The following GTF2F2 variants were observed in gnomAD, a reference collection of about 807,000 sequenced individuals.
GTF2F2 encodes general transcription factor IIF subunit 2.
Under a neutral mutation model 42.2 loss-of-function variants are expected in GTF2F2, and 23 were observed. The ratio of observed to expected loss-of-function variants is 0.55; its 90% CI spans 0.39 to 0.77. The LOEUF (loss-of-function observed/expected upper bound fraction) is 0.77, where lower values mean the gene tolerates loss of function less well. GTF2F2 is among the 30% of genes least tolerant of loss of function. The pLI is 0.00. For synonymous variants in GTF2F2, 105 were observed against 100.8 expected (o/e 1.04, Z -0.25); for missense variants, 261 against 287.2 (o/e 0.91, Z 0.66).
intron 5 of GTF2F2, among the ~76,000 whole-genome samples, chr13:45,238,877 A>T (rs1593510741): frequency 6.6e-6 from 1 of 151,638 alleles, no homozygotes; most frequent in South Asian, 2.1e-4. Context: ...CTGGGAGGCA[A>T]AGGTTGCGGT....
At chr13:45,270,589 C>G (rs2138267983) in intron 7 of GTF2F2, among the ~76,000 whole-genome samples, 1 of 152,238 alleles carries the variant, frequency 6.6e-6, no homozygotes, top group Admixed American at 6.5e-5. Context: ...CTAGTCACCT[C>G]TCAAAGGCCC....
At chr13:45,228,669 C>CTTTTTTT (rs57570023) in intron 5 of GTF2F2, among the ~76,000 whole-genome samples, 3,324 of 108,020 alleles carry the variant, frequency 0.031, 470 homozygotes, top group African/African-American at 0.13. Flanking sequence ...CAGAGTTAAT[C>CTTTTTTT]TTTTTTTTTT....
intron 4 of GTF2F2, among the ~76,000 whole-genome samples, chr13:45,197,517 A>AG (rs1872963954): frequency 6.6e-6 from 1 of 151,138 alleles, no homozygotes; most frequent in Admixed American, 6.6e-5. Flanking sequence ...TCCAAAAAAA[A>AG]AAAAAAAAAG....
At position 45,151,686 on chromosome 13, in the gene GTF2F2, G is replaced by A. The variant is rs1298489252; in HGVS notation, c.160-1G>A. The A allele has an allele frequency of 6.3e-7, 1 of 1,592,462 alleles. No individual in the cohort carries two copies. The highest frequency in any genetic ancestry group is 1.7e-5 in the Admixed American group (1 of 59,622). Reference sequence around the variant, plus strand: ...TAATCTCTGGTTAATGTGTCTATTAGGTGTCATTTACTTTGAATGAGGATC... The same window carrying A: ...TAATCTCTGGTTAATGTGTCTATTAAGTGTCATTTACTTTGAATGAGGATC... On this transcript the variant is annotated splice_acceptor_variant, in intron 3 of 7. Coordinates refer to ENST00000340473, the MANE Select transcript of GTF2F2 (RefSeq NM_004128.3). LOFTEE classifies it high-confidence loss of function.
chr13:45,179,144 G>C (rs1872027195), intron 4 of GTF2F2, among the ~76,000 whole-genome samples: 2 of 152,194 alleles, frequency 1.3e-5, no homozygotes, highest in Non-Finnish European at 2.9e-5. Flanking sequence ...CAAGTCACAG[G>C]ACCTGCTCAG....
At chr13:45,152,203 C>T (rs953771192) in intron 4 of GTF2F2, among the ~76,000 whole-genome samples, 15 of 152,222 alleles carry the variant, frequency 9.9e-5, no homozygotes, top group Non-Finnish European at 1.8e-4. Context: ...GCGTGAGCCA[C>T]CGCACCCAGC....
Position 45,136,734 on chromosome 13 carries a change from T to C in GTF2F2, c.68T>C (p.Val23Ala). ...TATTAGTGTTTTACTTTGTTTTAGG[T>C]TCCTAAATATTTGTCACAGCAATGG... is the stretch of plus-strand genomic sequence containing the variant. ...KQNTGVWLVK[V>A]PKYLSQQWAK... is the part of the protein sequence containing the mutation. The change falls in exon 2 of 8, where the codon GTT becomes GCT. Residue 23 changes from valine (V) to alanine (A), a missense_variant and splice_region_variant. Val to Ala is a moderately conservative substitution (Grantham distance 64). Coordinates refer to ENST00000340473, the MANE Select transcript of GTF2F2 (RefSeq NM_004128.3). 2.6e-6 allele frequency: 4 copies of C among 1,557,808 alleles called. No individual in the cohort carries two copies. Among genetic ancestry groups the C allele is most frequent in the Non-Finnish European group, 3.5e-6 (4 of 1,132,968 alleles).
At chr13:45,183,668 G>A (rs1340193273) in intron 4 of GTF2F2, among the ~76,000 whole-genome samples, 1 of 152,026 alleles carries the variant, frequency 6.6e-6, no homozygotes, top group Non-Finnish European at 1.5e-5. Context: ...ATGGATACAG[G>A]AGAAGTAACT....
chr13:45,121,276 G>A (rs910281901), intron 1 of GTF2F2, among the ~76,000 whole-genome samples: 1 of 152,232 alleles, frequency 6.6e-6, no homozygotes, highest in Non-Finnish European at 1.5e-5. Flanking sequence ...TGGGTCTCGT[G>A]AAACTGGCCG....
intron 5 of GTF2F2, among the ~76,000 whole-genome samples, chr13:45,214,198 T>A (rs1177028050): frequency 1.3e-5 from 2 of 152,230 alleles, no homozygotes; most frequent in African/African-American, 4.8e-5. Context: ...TAGTAATTCT[T>A]ACAGCTCTCT....
chr13:45,272,471 A>G (rs1876840380), intron 7 of GTF2F2, among the ~76,000 whole-genome samples: 1 of 145,396 alleles, frequency 6.9e-6, no homozygotes. Flanking sequence ...TGAACAGGTG[A>G]GTGGTTCACG....
At chr13:45,180,586 T>G (rs1872105101) in intron 4 of GTF2F2, among the ~76,000 whole-genome samples, 1 of 152,222 alleles carries the variant, frequency 6.6e-6, no homozygotes, top group Non-Finnish European at 1.5e-5. Context: ...TTGCTCATTT[T>G]GTTTTTTCAA....
At chr13:45,151,858 T>C in intron 4 of GTF2F2, 27 bp downstream of exon 4, 2 of 1,193,506 alleles carry the variant, frequency 1.7e-6, no homozygotes, top group Non-Finnish European at 2.3e-6. Context: ...TTATTTAATG[T>C]GATTCCTGTA....
intron 4 of GTF2F2, among the ~76,000 whole-genome samples, chr13:45,182,919 C>G (rs1248237671): frequency 6.6e-6 from 1 of 152,082 alleles, no homozygotes; most frequent in Non-Finnish European, 1.5e-5. Context: ...TCTTGTAGCA[C>G]ACTCGTCAGG....
intron 5 of GTF2F2, among the ~76,000 whole-genome samples, chr13:45,244,194 G>A (rs1875469320): frequency 6.6e-6 from 1 of 152,180 alleles, no homozygotes. Context: ...TAGGGAGGCT[G>A]ATGACTGTCA....
At chr13:45,178,622 T>C (rs1035854916) in intron 4 of GTF2F2, among the ~76,000 whole-genome samples, 1 of 152,172 alleles carries the variant, frequency 6.6e-6, no homozygotes, top group Non-Finnish European at 1.5e-5. Context: ...TTTTTCTTTT[T>C]TTCTTTTTCT....
At chr13:45,234,832 G>A (rs1401834086) in intron 5 of GTF2F2, among the ~76,000 whole-genome samples, 1 of 151,994 alleles carries the variant, frequency 6.6e-6, no homozygotes, top group Non-Finnish European at 1.5e-5. Flanking sequence ...AATCACCTGA[G>A]GTTGAGAGTT....
intron 4 of GTF2F2, 185 bp from the exon 5 acceptor site, chr13:45,207,239 T>G: frequency 2.0e-6 from 1 of 502,840 alleles, no homozygotes; most frequent in East Asian, 3.0e-5. Context: ...GAGCCCAGTT[T>G]GTTACTAAGC....
chr13:45,128,953 C>T (rs1869194299), intron 1 of GTF2F2, among the ~76,000 whole-genome samples: 1 of 152,078 alleles, frequency 6.6e-6, no homozygotes, highest in South Asian at 2.1e-4. Flanking sequence ...GAATTTGATT[C>T]TTAAATTTGC....
Sources: gnomAD v4.1 joint callset for allele counts (sites outside exome capture counted in the v4.1 genomes callset) on GRCh38, gnomAD v4.1.1 for gene constraint, MANE v1.5 for transcripts, NCBI Gene and HGNC (gene_info 2026-07-23, HGNC 2026-07-21) for gene names.